Variants in TMPRSS9 observed in about 807,000 individuals in gnomAD.
The protein encoded by TMPRSS9 is transmembrane serine protease 9.
A neutral mutation model predicts 111.4 loss-of-function variants in TMPRSS9; 113 were observed. The ratio of observed to expected loss-of-function variants is 1.01; its 90% CI spans 0.87 to 1.19. The LOEUF (loss-of-function observed/expected upper bound fraction) is 1.19. Among genes scored for constraint, TMPRSS9 ranks in the 50% most tolerant of loss-of-function variants. The probability of loss-of-function intolerance (pLI) is 0.00; values close to 1 mark genes in which losing one functional copy is unlikely to be tolerated. For missense variants in TMPRSS9, 1,803 were observed against 1,513.1 expected (o/e 1.19, Z -3.18); for synonymous variants, 805 against 659.1 (o/e 1.22, Z -3.39).
chr19:2,363,294 G>A (rs1430962486), intron 1 of TMPRSS9, among the ~76,000 whole-genome samples: 4 of 152,150 alleles, frequency 2.6e-5, no homozygotes, highest in African/African-American at 7.2e-5. Flanking sequence ...GTTGGTGGCC[G>A]GTTGCCCAGG....
chr19:2,388,267 G>A (rs928558407), upstream of TMPRSS9, among the ~76,000 whole-genome samples: 1 of 151,942 alleles, frequency 6.6e-6, no homozygotes, highest in Non-Finnish European at 1.5e-5. Context: ...CACACACGTG[G>A]CCCTAGCTAC....
At chr19:2,361,046 C>T (rs1002866974) in intron 1 of TMPRSS9, among the ~76,000 whole-genome samples, 1 of 147,958 alleles carries the variant, frequency 6.8e-6, no homozygotes, top group African/African-American at 2.5e-5. Flanking sequence ...CTTTTCTACC[C>T]GTGAACTTCA....
At chr19:2,392,543 A>C (rs911755208) in intron 1 of TMPRSS9, among the ~76,000 whole-genome samples, 2 of 152,198 alleles carry the variant, frequency 1.3e-5, no homozygotes, top group Admixed American at 6.5e-5. Context: ...CTGTCTCTAC[A>C]AAAAATGCAG....
At chr19:2,365,621 C>A (rs6510658) in intron 1 of TMPRSS9, among the ~76,000 whole-genome samples, 57,394 of 130,730 alleles carry the variant, frequency 0.44, 11,513 homozygotes, top group Admixed American at 0.61. Flanking sequence ...AACAAACAAA[C>A]AAAAAAAACA....
At chr19:2,417,053 T>C (rs1175146900) in intron 12 of TMPRSS9, among the ~76,000 whole-genome samples, 2 of 152,330 alleles carry the variant, frequency 1.3e-5, no homozygotes, top group East Asian at 3.8e-4. Context: ...AGGGGCCATG[T>C]TCACACATCA....
At chr19:2,397,068 A>C (rs1400754387) in intron 2 of TMPRSS9, among the ~76,000 whole-genome samples, 4 of 150,356 alleles carry the variant, frequency 2.7e-5, no homozygotes, top group Admixed American at 6.7e-5. Flanking sequence ...TTACAGGTGC[A>C]CGCCACCACG....
chr19:2,399,749 A>G (rs990751965), intron 4 of TMPRSS9, among the ~76,000 whole-genome samples: 47 of 151,592 alleles, frequency 3.1e-4, no homozygotes, highest in African/African-American at 1.1e-3. Flanking sequence ...ACAGGATCTC[A>G]CTCTGTTGCC....
At chr19:2,391,362 G>GTTTTTTTTTTT (rs372470176) in intron 1 of TMPRSS9, among the ~76,000 whole-genome samples, 1 of 142,742 alleles carries the variant, frequency 7.0e-6, no homozygotes, top group African/African-American at 2.6e-5. Context: ...ATCCTCCTAG[G>GTTTTTTTTTTT]TTTTTTTTTT....
intron 13 of TMPRSS9, among the ~76,000 whole-genome samples, 171 bp downstream of exon 14, chr19:2,418,309 CCCTCCCT>C: frequency 2.7e-5 from 1 of 36,562 alleles, no homozygotes. Flanking sequence ...CCCTCCCTTT[CCCTCCCT>C]CCCTCCCTCC....
intron 4 of TMPRSS9, among the ~76,000 whole-genome samples, chr19:2,400,755 C>T (rs1970818148): frequency 2.0e-5 from 3 of 151,142 alleles, no homozygotes; most frequent in Non-Finnish European, 4.4e-5. Context: ...GGGTGGATCA[C>T]CTGAGGTCAG....
At position 2,410,367 on chromosome 19, in the gene TMPRSS9, C is replaced by A; in HGVS notation, c.1227C>A (p.Tyr409Ter). The change falls in exon 9 of 18, where the codon TAC becomes TAA. Residue 409 changes from tyrosine (Y) to a stop codon, truncating the protein, a stop_gained. Transcript: ENST00000648592. LOFTEE classifies it high-confidence loss of function. Reference sequence around the variant, plus strand: ...CTGACAGGATGGTGTGCGCTGGCTACCTGGACGGGAAGGTGGACTCCTGCC... The same window carrying A: ...CTGACAGGATGGTGTGCGCTGGCTAACTGGACGGGAAGGTGGACTCCTGCC... The A allele has an allele frequency of 6.2e-7, 1 of 1,614,030 alleles. No homozygotes were observed. Among genetic ancestry groups the A allele is most frequent in the Non-Finnish European group, 8.5e-7 (1 of 1,179,986 alleles).
rs142088531 is a variant in TMPRSS9, at chr19:2,426,170, C to T, written c.*82C>T. 3.7e-4 allele frequency: 425 copies of T among 1,148,160 alleles called. 2 individuals carry two copies. In the African/African-American group the frequency reaches 0.012, roughly 33 times the overall value. The allele number at this position is 1,148,160 out of a possible 1,614,324, so 71.1% of individuals were successfully genotyped here. The stretch of plus-strand genomic sequence containing the variant: ...CACCCAACACCCCACCCCACCGTAC[C>T]CTACCCAAGGACGGGTGTGGGGGGG... On this transcript the variant is annotated 3_prime_UTR_variant, in exon 18 of 18. Transcript: ENST00000648592.
intron 1 of TMPRSS9, among the ~76,000 whole-genome samples, chr19:2,379,617 C>CTTTCTTTCTT (rs1970366857): frequency 9.6e-6 from 1 of 103,892 alleles, no homozygotes; most frequent in African/African-American, 4.1e-5. Flanking sequence ...CTTTCTTTCT[C>CTTTCTTTCTT]TTTCTTTCTT....
At chr19:2,385,446 G>T (rs72989469), upstream of TMPRSS9, among the ~76,000 whole-genome samples, 4 of 152,120 alleles carry the variant, frequency 2.6e-5, no homozygotes, top group Non-Finnish European at 4.4e-5. Flanking sequence ...CGGTGTTGCC[G>T]TTGCACATGG....
chr19:2,401,498 G>A (rs1441297539), intron 4 of TMPRSS9, among the ~76,000 whole-genome samples: 1 of 152,304 alleles, frequency 6.6e-6, no homozygotes, highest in East Asian at 1.9e-4. Context: ...CGGTGTTGAA[G>A]TAGATTTCAT....
intron 1 of TMPRSS9, among the ~76,000 whole-genome samples, chr19:2,376,681 A>G (rs1340993739): frequency 6.6e-6 from 1 of 152,032 alleles, no homozygotes; most frequent in Admixed American, 6.6e-5. Context: ...GCTGATCTCA[A>G]ACTGACCTCA....
At chr19:2,373,779 C>A (rs543374270) in intron 1 of TMPRSS9, among the ~76,000 whole-genome samples, 1 of 152,382 alleles carries the variant, frequency 6.6e-6, no homozygotes, top group South Asian at 2.1e-4. Flanking sequence ...GGATTACAGG[C>A]ATGAGCCACA....
At chr19:2,408,473 G>A (rs541228281) in exon 8 of TMPRSS9, 48 of 1,613,936 alleles carry the variant, frequency 3.0e-5, no homozygotes, top group South Asian at 2.0e-4. Flanking sequence ...TGTACAACGC[G>A]GACACGGCCG....
At chr19:2,406,684 T>A in intron 7 of TMPRSS9, among the ~76,000 whole-genome samples, 1 of 151,554 alleles carries the variant, frequency 6.6e-6, no homozygotes, top group Non-Finnish European at 1.5e-5. Flanking sequence ...TGAAGTAGCA[T>A]CTCCCTGTGG....
Sources: allele counts gnomAD v4.1 joint callset (sites outside exome capture counted in the v4.1 genomes callset), GRCh38; gene constraint gnomAD v4.1.1; transcripts MANE v1.5; gene names NCBI Gene and HGNC (gene_info 2026-07-23, HGNC 2026-07-21).